Variants in FAT2 observed in about 807,000 individuals in gnomAD.
FAT2 encodes FAT atypical cadherin 2.
FAT2 carries 150 observed loss-of-function variants against 295.3 expected under a neutral mutation model. The ratio of observed to expected loss-of-function variants is 0.51; its 90% confidence interval spans 0.44 to 0.58. The LOEUF (loss-of-function observed/expected upper bound fraction) is 0.58, where lower values mean the gene tolerates loss of function less well. Ranked by LOEUF, FAT2 falls within the 20% of genes least tolerant of loss-of-function variation. FAT2 has a pLI of 0.00. For missense variants in FAT2, 4,868 were observed against 5,442.7 expected, an observed-to-expected ratio of 0.89 and a Z score of 3.32; for synonymous variants, 2,026 against 2,150.3, an observed-to-expected ratio of 0.94 and a Z score of 1.60.
Position 151,531,815 on chromosome 5 carries a change from G to A in FAT2, c.9583C>T (p.Pro3195Ser), listed in dbSNP as rs1381930963. The A allele has an allele frequency of 1.2e-6, 2 of 1,613,742 alleles. No homozygotes were observed. Among genetic ancestry groups the A allele is most frequent in the East Asian group, 2.2e-5 (1 of 44,864 alleles). ...LTVRASDLGT[P>S]IPLSTLGTVT... ...GTGCCCAGCGTGGACAGCGGTATTG[G>A]GGTGCCCAGGTCAGAGGCACGGACC... Residue 3195 changes from proline to serine, a missense_variant, in exon 14 of 24, where the codon CCA becomes TCA. Pro to Ser is a moderately conservative substitution (Grantham distance 74). Coordinates refer to ENST00000261800, the MANE Select transcript of FAT2 (RefSeq NM_001447.3). This position sits in a 1 kb window ranked among gnomAD's most constrained non-coding sequence, Gnocchi z 5.7.
intron 20 of FAT2, among the ~76,000 whole-genome samples, chr5:151,514,442 C>T (rs1175336088): frequency 1.3e-5 from 2 of 152,204 alleles, no homozygotes; most frequent in African/African-American, 4.8e-5. Flanking sequence ...TTTCTTACTT[C>T]GTAGAACTCT....
At chr5:151,588,789 G>A (rs1427229741) in intron 1 of FAT2, among the ~76,000 whole-genome samples, 1 of 152,204 alleles carries the variant, frequency 6.6e-6, no homozygotes, top group Non-Finnish European at 1.5e-5. Flanking sequence ...CTAGGAGGAA[G>A]AGAGAAGAAT....
In FAT2 at chr5:151,569,116, C is replaced by T. The variant is rs149263166; in HGVS notation, c.-20-165G>A. Among the ~76,000 whole-genome samples, 957 of 152,190 alleles carry T rather than the reference C, an allele frequency of 6.3e-3. 7 individuals are homozygous for T. The highest frequency in any genetic ancestry group is 0.022 in the African/African-American group (921 of 41,510). On this transcript the variant is annotated intron_variant, in intron 1 of 23. Coordinates refer to ENST00000261800, the MANE Select transcript of FAT2 (RefSeq NM_001447.3). ...GAGTGGTGGTGCTAATGGCATCTGG[C>T]AGGTAGAGGCTGGGGATACTGCTAA...
chr5:151,504,534 A>C lies in FAT2; in HGVS notation c.*1031T>G, dbSNP rs554973109. 1 of 152,666 alleles carries C rather than the reference A, an allele frequency of 6.6e-6. No individual in the cohort carries two copies. The highest frequency in any genetic ancestry group is 1.5e-5 in the Non-Finnish European group (1 of 68,078). 9.5% of individuals were successfully genotyped at this position (152,666 alleles called of 1,614,324 possible). ...TGATGGGCAGGCGTCTGCAATGGAGAGGAGGCAATGGCAGGTGTCCAGCCT... is the reference window on the plus strand; with the variant it reads ...TGATGGGCAGGCGTCTGCAATGGAGCGGAGGCAATGGCAGGTGTCCAGCCT... On this transcript the variant is annotated 3_prime_UTR_variant, in exon 24 of 24. Transcript: ENST00000261800.
Position 151,581,134 on chromosome 5 carries a change from G to A in FAT2, c.-21+10031C>T, listed in dbSNP as rs561431126. Among the ~76,000 whole-genome samples the A allele has an allele frequency of 8.5e-5, 13 of 152,264 alleles. No homozygotes were observed. In the South Asian group the frequency reaches 2.3e-3, roughly 27 times the overall value. ...GCTACCTGTGTTGGAGTCCTGCCCC[G>A]GGCCCACTGCTGGTTGTGTGTGATT... is the stretch of plus-strand genomic sequence containing the variant. On this transcript the variant is annotated intron_variant, in intron 1 of 23. Coordinates refer to ENST00000261800, the MANE Select transcript of FAT2 (RefSeq NM_001447.3).
chr5:151,548,512 G>T (rs1049785865), intron 9 of FAT2, among the ~76,000 whole-genome samples: 1 of 151,988 alleles, frequency 6.6e-6, no homozygotes, highest in Non-Finnish European at 1.5e-5. Context: ...ATGGAGTCTT[G>T]CTGTGTCGCC....
intron 1 of FAT2, among the ~76,000 whole-genome samples, chr5:151,584,716 G>GA (rs1428810726): frequency 2.6e-5 from 4 of 152,142 alleles, no homozygotes; most frequent in African/African-American, 7.2e-5. Flanking sequence ...TTTTACAAAT[G>GA]AAAAAACTGA....
chr5:151,546,663 C>A (rs978297094), intron 9 of FAT2, among the ~76,000 whole-genome samples: 15 of 152,068 alleles, frequency 9.9e-5, no homozygotes, highest in African/African-American at 3.6e-4. Context: ...TTCAGTGATG[C>A]CTTTTGTAGG....
chr5:151,585,882 A>G (rs1436961909), intron 1 of FAT2, among the ~76,000 whole-genome samples: 1 of 152,164 alleles, frequency 6.6e-6, no homozygotes, highest in Non-Finnish European at 1.5e-5. Flanking sequence ...TAAACACTCT[A>G]CACACATCAA....
chr5:151,520,927 A>G (rs972421821), intron 19 of FAT2, among the ~76,000 whole-genome samples: 1 of 152,234 alleles, frequency 6.6e-6, no homozygotes, highest in East Asian at 1.9e-4. Flanking sequence ...CCCAGCTCAA[A>G]GGCACAGAGA....
Position 151,505,874 on chromosome 5 carries a change from G to C in FAT2, c.12741C>G (p.Asn4247Lys), listed in dbSNP as rs1166045350. 3.1e-6 allele frequency: 5 copies of C among 1,606,018 alleles called. No individual in the cohort carries two copies. Among genetic ancestry groups the C allele is most frequent in the African/African-American group, 1.3e-5 (1 of 74,416 alleles). Residue 4247 changes from asparagine to lysine, a missense_variant, in exon 24 of 24, where the codon AAC (asparagine) becomes AAG (lysine). Physicochemically the swap from Asn to Lys is moderately conservative, Grantham distance 94. Coordinates refer to ENST00000261800, the MANE Select transcript of FAT2 (RefSeq NM_001447.3). ...GCCGAGAGGGCATCAGATCTTCCAG[G>C]TTCTGGTTGCTGTAACGGGGTGGGA... ...APLPPRYSNQ[N>K]LEDLMPSRPP... is the part of the protein sequence containing the mutation.
At position 151,531,947 on chromosome 5, in the gene FAT2, A is replaced by G. The variant is rs1326134145; in HGVS notation, c.9451T>C (p.Ser3151Pro). 1 of 1,614,178 alleles carries G rather than the reference A, an allele frequency of 6.2e-7. No individual in the cohort carries two copies. Among genetic ancestry groups the G allele is most frequent in the South Asian group, 1.1e-5 (1 of 91,090 alleles). ...DQGANAQVVY[S>P]LPDSAEGHFS... ...TGGCCTTCGGCTGAATCCGGCAGAG[A>G]GTAAACCACCTGGGCATTGGCGCCT... The change falls in exon 14 of 24, where the codon TCT becomes CCT. Residue 3151 changes from serine (S) to proline (P), a missense_variant. Around this residue, in one of 5 missense-constraint regions of FAT2, gnomAD observed 1,046 missense variants for 1,210.1 expected, o/e 0.86. Coordinates refer to ENST00000261800, the MANE Select transcript of FAT2 (RefSeq NM_001447.3). The surrounding 1 kb of genome is among the most constrained non-coding windows in gnomAD (Gnocchi z 5.7).
Position 151,567,241 on chromosome 5 carries a change from A to G in FAT2, c.1691T>C (p.Phe564Ser), listed in dbSNP as rs768342459. Residue 564 changes from phenylalanine to serine, a missense_variant, in exon 2 of 24, where the codon TTT (phenylalanine) becomes TCT (serine). Phe to Ser is a radical substitution (Grantham distance 155). This residue lies in a region of FAT2 where 3,297 missense variants were observed against 3,669.4 expected (regional missense o/e 0.90). Transcript: ENST00000261800. Reference sequence around the variant, plus strand: ...AGACCCTGTACAGTTGACTTCTTCAAACATAGGCTGGTTGTCATTCAAGTT... The same window carrying G: ...AGACCCTGTACAGTTGACTTCTTCAGACATAGGCTGGTTGTCATTCAAGTT... ...LRNLNDNQPM[F>S]EEVNCTGSIR... 1.9e-6 allele frequency: 3 copies of G among 1,614,200 alleles called. No individual in the cohort carries two copies. The highest frequency in any genetic ancestry group is 2.5e-6 in the Non-Finnish European group (3 of 1,180,042).
In FAT2 at chr5:151,563,457, C is replaced by G. The variant is rs768245088; in HGVS notation, c.3442G>C (p.Glu1148Gln). The G allele has an allele frequency of 2.5e-6, 4 of 1,614,182 alleles. No individual in the cohort carries two copies. In the Admixed American group the frequency reaches 6.7e-5, roughly 27 times the overall value. Residue 1148 changes from glutamate (E) to glutamine (Q), a missense_variant, in exon 3 of 24, where the codon GAG becomes CAG. Glu to Gln is a conservative substitution (Grantham distance 29). Around this residue, in one of 5 missense-constraint regions of FAT2, gnomAD observed 3,297 missense variants for 3,669.4 expected, o/e 0.90. Coordinates refer to ENST00000261800, the MANE Select transcript of FAT2 (RefSeq NM_001447.3). ...ACAGAGGTGCCCACGGGAGCATCCTCCTGGATGGAGGGGTAGAACACAGCT... is the reference window on the plus strand; with the variant it reads ...ACAGAGGTGCCCACGGGAGCATCCTGCTGGATGGAGGGGTAGAACACAGCT... ...SQAVFYPSIQ[E>Q]DAPVGTSVLQ...
chr5:151,575,662 A>T (rs1305355494), intron 1 of FAT2, among the ~76,000 whole-genome samples: 1 of 152,202 alleles, frequency 6.6e-6, no homozygotes, highest in Non-Finnish European at 1.5e-5. Context: ...TAATTTGAAG[A>T]CTGTGCCCAG....
rs757685458 is a variant in FAT2, at chr5:151,563,305, C to G, written c.3574+20G>C. On this transcript the variant is annotated intron_variant, in intron 3 of 23. Coordinates refer to ENST00000261800, the MANE Select transcript of FAT2 (RefSeq NM_001447.3). ...CACCATTGTAGAGATCCCTGTTCAC[C>G]CAGCTTTTTGGATCCTTACCTGTAA... 1 of 1,611,004 alleles carries G rather than the reference C, an allele frequency of 6.2e-7. No individual in the cohort carries two copies. The highest frequency in any genetic ancestry group is 1.1e-5 in the South Asian group (1 of 90,700).
intron 22 of FAT2, among the ~76,000 whole-genome samples, chr5:151,508,066 C>T (rs1169063038): frequency 6.6e-6 from 1 of 152,160 alleles, no homozygotes; most frequent in African/African-American, 2.4e-5. Context: ...CACAGATCAG[C>T]CACCTTACAA....
chr5:151,564,874 A>T (rs1257781401), intron 2 of FAT2, among the ~76,000 whole-genome samples: 2 of 152,134 alleles, frequency 1.3e-5, no homozygotes, highest in Non-Finnish European at 2.9e-5. Flanking sequence ...GGAGGTTGAG[A>T]CCAGCCTGGC....
chr5:151,547,938 A>G (rs1004154662), intron 9 of FAT2, among the ~76,000 whole-genome samples: 1 of 152,222 alleles, frequency 6.6e-6, no homozygotes, highest in Non-Finnish European at 1.5e-5. Context: ...AAAAATGAGC[A>G]TGTGTTACTT....
Sources: allele counts gnomAD v4.1 joint callset (sites outside exome capture counted in the v4.1 genomes callset), GRCh38; gene constraint gnomAD v4.1.1; regional missense constraint gnomAD v4.1.1; non-coding constraint Gnocchi (gnomAD v3.1); transcripts MANE v1.5; gene names NCBI Gene and HGNC (gene_info 2026-07-23, HGNC 2026-07-21).